PDE4D: variants seen among roughly 807,000 people sequenced by gnomAD.
The protein encoded by PDE4D is phosphodiesterase 4D, also known as 3',5'-cyclic-AMP phosphodiesterase 4D.
A neutral mutation model predicts 87.4 loss-of-function variants in PDE4D; 24 were observed. That is an observed-to-expected ratio of 0.27 (90% CI 0.20 to 0.39). PDE4D has a LOEUF of 0.39. PDE4D is among the 10% of genes least tolerant of loss of function. PDE4D has a pLI of 1.00. For missense variants in PDE4D, 714 were observed against 1,041.0 expected (o/e 0.69, Z 4.32); for synonymous variants, 384 against 383.2 (o/e 1.00, Z -0.02).
chr5:60,362,301 G>A (rs1760141482), intron 1 of PDE4D, among the ~76,000 whole-genome samples: 1 of 152,162 alleles, frequency 6.6e-6, no homozygotes, highest in Non-Finnish European at 1.5e-5. Context: ...TTTGTTTCAT[G>A]TCTTAAAAAG....
intron 3 of PDE4D, among the ~76,000 whole-genome samples, chr5:59,965,440 A>T (rs548362066): frequency 5.3e-5 from 8 of 152,188 alleles, no homozygotes; most frequent in Non-Finnish European, 1.0e-4. Flanking sequence ...CTCTTGATCC[A>T]TGAGAGCAGG....
chr5:60,310,486 C>T (rs1754919633), intron 1 of PDE4D, among the ~76,000 whole-genome samples: 1 of 152,130 alleles, frequency 6.6e-6, no homozygotes, highest in African/African-American at 2.4e-5. Context: ...TGCAAAGTTC[C>T]AGTGGGTGTG....
rs1008914433 is a variant in PDE4D at position 59,969,003 on chromosome 5, A to C, written c.272+19485T>G. Among the ~76,000 whole-genome samples, 360 of 71,036 alleles carry C rather than the reference A, an allele frequency of 5.1e-3. 2 individuals carry two copies. The highest frequency in any genetic ancestry group is 0.013 in the African/African-American group (301 of 22,314). The allele number at this position is 71,036 out of a possible 152,430, so 46.6% of individuals were successfully genotyped here. A position where few individuals can be genotyped will look rare whatever the true frequency, so the allele number is the denominator to read the frequency against. On this transcript the variant is annotated intron_variant, in intron 3 of 16. Transcript: ENST00000502484. Reference sequence around the variant, plus strand: ...AGGAAGAAAAGGCACCCCCCCCCCGAAAAAAAGAGAAGCATCTTGATATAA... The same window carrying C: ...AGGAAGAAAAGGCACCCCCCCCCCGCAAAAAAGAGAAGCATCTTGATATAA...
chr5:59,200,379 A>G (rs372449704), intron 2 of PDE4D, among the ~76,000 whole-genome samples: 48 of 52,726 alleles, frequency 9.1e-4, no homozygotes, highest in African/African-American at 4.7e-3. Context: ...AGCTACACGT[A>G]TACATACACG....
At chr5:60,504,238 G>A (rs758347985) in intron 1 of PDE4D, among the ~76,000 whole-genome samples, 10 of 148,138 alleles carry the variant, frequency 6.8e-5, no homozygotes, top group Non-Finnish European at 1.2e-4. Flanking sequence ...TGGAACTTAA[G>A]AAAGCTCTAA....
rs148865959 is a variant in PDE4D at position 59,279,700 on chromosome 5, T to C, written c.456-63732A>G. ...AGTAGATGTGATAATAATAATTTCA[T>C]ACATAAAGAAAGTCAACAATTTGTT... is the stretch of plus-strand genomic sequence containing the variant. On this transcript the variant is annotated intron_variant, in intron 1 of 14. Transcript: ENST00000340635. Among the ~76,000 whole-genome samples the C allele has an allele frequency of 3.1e-3, 466 of 152,164 alleles. 5 individuals are homozygous for C. The highest frequency in any genetic ancestry group is 0.011 in the African/African-American group (447 of 41,550).
intron 5 of PDE4D, among the ~76,000 whole-genome samples, chr5:59,150,171 G>T (rs1779276651): frequency 6.6e-6 from 1 of 152,076 alleles, no homozygotes; most frequent in Admixed American, 6.6e-5. Context: ...TGAGGATAAG[G>T]ATGGTTTTTC....
chr5:60,497,611 C>T (rs1037111648), intron 1 of PDE4D, among the ~76,000 whole-genome samples: 1 of 151,998 alleles, frequency 6.6e-6, no homozygotes, highest in African/African-American at 2.4e-5. Flanking sequence ...ACTATGTTCC[C>T]CAGGCTGATC....
chr5:59,034,115 T>C (rs1386335993), intron 6 of PDE4D, among the ~76,000 whole-genome samples: 1 of 152,216 alleles, frequency 6.6e-6, no homozygotes, highest in East Asian at 1.9e-4. Context: ...ACAGTGATTA[T>C]AGGATTCTCA....
intron 3 of PDE4D, among the ~76,000 whole-genome samples, chr5:59,926,064 A>AT (rs541019998): frequency 5.2e-4 from 79 of 152,210 alleles, no homozygotes; most frequent in African/African-American, 1.8e-3. Flanking sequence ...CAGAATACAT[A>AT]TTTTTTTCCT....
At chr5:60,062,559 T>C (rs1433275676) in intron 2 of PDE4D, among the ~76,000 whole-genome samples, 1 of 152,142 alleles carries the variant, frequency 6.6e-6, no homozygotes, top group Admixed American at 6.5e-5. Context: ...GCAATCCCAT[T>C]ACTGGATAAA....
intron 2 of PDE4D, among the ~76,000 whole-genome samples, chr5:60,125,192 G>A (rs116110509): frequency 0.012 from 1,788 of 152,242 alleles, 32 homozygotes; most frequent in African/African-American, 0.041. Context: ...CTGAATGAAT[G>A]TACCAAATTT....
At chr5:60,313,142 T>C (rs1444246293) in intron 1 of PDE4D, among the ~76,000 whole-genome samples, 1 of 151,964 alleles carries the variant, frequency 6.6e-6, no homozygotes, top group Non-Finnish European at 1.5e-5. Context: ...ATCCAGGAGT[T>C]GGTTTTTTGA....
chr5:59,488,932 C>A (rs760592941), intron 1 of PDE4D, among the ~76,000 whole-genome samples: 1 of 152,016 alleles, frequency 6.6e-6, no homozygotes, highest in East Asian at 1.9e-4. Flanking sequence ...TGACAAAGTT[C>A]TGTGGTAAAT....
At chr5:60,281,479 T>C (rs759619952) in intron 1 of PDE4D, among the ~76,000 whole-genome samples, 136 of 152,150 alleles carry the variant, frequency 8.9e-4, no homozygotes, top group Non-Finnish European at 2.9e-4. Context: ...TATTCCTGTC[T>C]CTCCCCACTG....
At chr5:59,324,942 G>A (rs898831898) in intron 1 of PDE4D, among the ~76,000 whole-genome samples, 4 of 152,094 alleles carry the variant, frequency 2.6e-5, no homozygotes, top group African/African-American at 9.7e-5. Context: ...ATGGCATCAT[G>A]GTAATTAATA....
Position 59,190,342 on chromosome 5 carries a change from T to C in PDE4D, c.684+3158A>G, listed in dbSNP as rs139074677. 1.2e-3 allele frequency among the ~76,000 whole-genome samples: 176 copies of C among 152,320 alleles called. 1 individual carries two copies. Among genetic ancestry groups the C allele is most frequent in the African/African-American group, 4.0e-3 (168 of 41,584 alleles). The stretch of plus-strand genomic sequence containing the variant: ...GAAAATTTTCCTTTTCTTTTTCTTA[T>C]TATTTTTCTAAACTTTTATGCAAAA... On this transcript the variant is annotated intron_variant, in intron 3 of 14. Transcript: ENST00000340635.
At position 60,199,368 on chromosome 5, in the gene PDE4D, C is replaced by T. The variant is rs1049911833; in HGVS notation, c.-89-13681G>A. On this transcript the variant is annotated intron_variant, in intron 1 of 16. Transcript: ENST00000502484. ...AACTGGAGCCTGTGCTGAATCATTG[C>T]CATTTGTGTGGCACCCATCTGGCAC... is the stretch of plus-strand genomic sequence containing the variant. 4.6e-5 allele frequency among the ~76,000 whole-genome samples: 7 copies of T among 151,850 alleles called. 1 individual carries two copies. Among genetic ancestry groups the T allele is most frequent in the African/African-American group, 1.7e-4 (7 of 41,520 alleles).
intron 1 of PDE4D, among the ~76,000 whole-genome samples, chr5:60,250,578 A>T (rs1417993160): frequency 2.0e-5 from 3 of 151,992 alleles, no homozygotes; most frequent in Non-Finnish European, 4.4e-5. Flanking sequence ...CTAGTTATTA[A>T]TATACCATAG....
Sources: allele counts gnomAD v4.1 joint callset (sites outside exome capture counted in the v4.1 genomes callset), GRCh38; gene constraint gnomAD v4.1.1; transcripts MANE v1.5; gene names NCBI Gene and HGNC (gene_info 2026-07-23, HGNC 2026-07-21).